SPINK9: variants seen among roughly 807,000 people sequenced by gnomAD.
The protein encoded by SPINK9 is serine peptidase inhibitor Kazal type 9, also known as serine protease inhibitor Kazal-type 9.
In SPINK9, 3 loss-of-function variants were observed where a neutral mutation model predicts 10.8. That is an observed-to-expected ratio of 0.28 (90% confidence interval 0.13 to 0.72). SPINK9 has a LOEUF of 0.72. Ranked by LOEUF, SPINK9 falls within the 30% of genes least tolerant of loss-of-function variation. The pLI, the probability that SPINK9 is intolerant of heterozygous loss-of-function variation, is 0.74. For missense variants in SPINK9, 101 were observed against 103.2 expected (o/e 0.98, Z 0.09); for synonymous variants, 30 against 31.2 (o/e 0.96, Z 0.12).
chr5:148,336,614 GGA>G (rs1351872793), intron 2 of SPINK9, among the ~76,000 whole-genome samples, 161 bp downstream of exon 2: 1 of 152,198 alleles, frequency 6.6e-6, no homozygotes, highest in Non-Finnish European at 1.5e-5. Flanking sequence ...TTTCTAAAAT[GGA>G]GAGAGTAGAA....
chr5:148,331,911 C>G (rs987823994), upstream of SPINK9, among the ~76,000 whole-genome samples: 1 of 152,046 alleles, frequency 6.6e-6, no homozygotes, highest in Non-Finnish European at 1.5e-5. Flanking sequence ...TCTCAGATAG[C>G]CAACTGAGAC....
At chr5:148,328,326 T>C (rs1323568715) in intron 2 of SPINK9, among the ~76,000 whole-genome samples, 1 of 152,186 alleles carries the variant, frequency 6.6e-6, no homozygotes, top group Non-Finnish European at 1.5e-5. Flanking sequence ...TGTATAAGAA[T>C]GCTTGTGATT....
In SPINK9 at chr5:148,329,763, C is replaced by G. The variant is rs1481496528; in HGVS notation, c.118+5895C>G. Among the ~76,000 whole-genome samples the G allele has an allele frequency of 5.3e-5, 8 of 152,192 alleles. No homozygotes were observed. The East Asian group carries it at 5.8e-4, about 11-fold the overall frequency. Reference sequence around the variant, plus strand: ...ATTTCTGCCTTCATTTTGTTATGTACCCAGTAGTCATTCAGGAGCAGGTTG... The same window carrying G: ...ATTTCTGCCTTCATTTTGTTATGTAGCCAGTAGTCATTCAGGAGCAGGTTG... On this transcript the variant is annotated intron_variant, in intron 2 of 4. Coordinates refer to the SPINK9 transcript ENST00000511717.
intron 3 of SPINK9, 45 bp from the exon 4 acceptor site, chr5:148,339,622 C>T: frequency 6.4e-7 from 1 of 1,555,964 alleles, no homozygotes; most frequent in South Asian, 1.1e-5. Context: ...AATGAAATGC[C>T]TATGGGCTCA....
upstream of SPINK9, among the ~76,000 whole-genome samples, chr5:148,330,938 A>G (rs1757140374): frequency 6.6e-6 from 1 of 152,214 alleles, no homozygotes; most frequent in African/African-American, 2.4e-5. Flanking sequence ...CCGATGGAAA[A>G]GCGTAGTATT....
chr5:148,323,877 C>T, intron 2 of SPINK9: 1 of 690,168 alleles, frequency 1.4e-6, no homozygotes, highest in Non-Finnish European at 2.6e-6. Flanking sequence ...AGGTATGTAG[C>T]CCGCGAAAGT....
At chr5:148,333,047 ACAGTC>A (rs757479991), upstream of SPINK9, among the ~76,000 whole-genome samples, 9 of 152,158 alleles carry the variant, frequency 5.9e-5, no homozygotes, top group Non-Finnish European at 1.3e-4. Context: ...AAACTTTATC[ACAGTC>A]CGGATTTTGA....
upstream of SPINK9, among the ~76,000 whole-genome samples, chr5:148,335,064 A>G (rs1292947880): frequency 6.6e-6 from 1 of 152,172 alleles, no homozygotes; most frequent in Non-Finnish European, 1.5e-5. Flanking sequence ...CTTAGATACT[A>G]ATACTTCCAT....
chr5:148,331,587 C>A (rs867063942), upstream of SPINK9, among the ~76,000 whole-genome samples: 1 of 152,050 alleles, frequency 6.6e-6, no homozygotes, highest in African/African-American at 2.4e-5. Flanking sequence ...TTAATAATAA[C>A]GTATTCTATA....
At chr5:148,324,710 CTTA>C (rs3036873) in intron 2 of SPINK9, among the ~76,000 whole-genome samples, 6 of 150,984 alleles carry the variant, frequency 4.0e-5, no homozygotes, top group African/African-American at 9.7e-5. Context: ...CTGAATGGGT[CTTA>C]TTATTATTAT....
intron 3 of SPINK9, 68 bp downstream of exon 3, chr5:148,338,673 G>A: frequency 8.4e-7 from 1 of 1,185,408 alleles, no homozygotes; most frequent in Admixed American, 2.2e-5. Flanking sequence ...ATTAGAAGGT[G>A]TGATGTAGGG....
At position 148,338,593 on chromosome 5, in the gene SPINK9, G is replaced by A; in HGVS notation, c.203G>A (p.Cys68Tyr). 6.3e-7 allele frequency: 1 copy of A among 1,585,536 alleles called. No individual in the cohort carries two copies. The highest frequency in any genetic ancestry group is 8.6e-7 in the Non-Finnish European group (1 of 1,158,120). ...ACTTATAAAAATGATTGCTTCTTCT[G>A]TTCTAAAGTTAAGTAAGTATTAAAA... ...GKTYKNDCFF[C>Y]SKVKKTDGTL... Residue 68 changes from cysteine (C) to tyrosine (Y), a missense_variant, in exon 3 of 4, where the codon TGT (cysteine) becomes TAT (tyrosine). Physicochemically the swap from Cys to Tyr is radical, Grantham distance 194 (BLOSUM62 -2). Coordinates refer to ENST00000377906, the MANE Select transcript of SPINK9 (RefSeq NM_001040433.2).
intron 1 of SPINK9, among the ~76,000 whole-genome samples, chr5:148,321,711 T>C (rs896490504): frequency 2.6e-5 from 4 of 152,310 alleles, no homozygotes; most frequent in Middle Eastern, 6.8e-3. Flanking sequence ...ATGACCTGTA[T>C]GAGCAAAAAT....
At chr5:148,336,275 T>C (rs968061126) in intron 1 of SPINK9, 147 bp from the exon 2 acceptor site, 8 of 811,076 alleles carry the variant, frequency 9.9e-6, no homozygotes, top group African/African-American at 1.7e-5. Context: ...AGCTTCAACC[T>C]TTGATACAAT....
chr5:148,338,474 T>G lies in SPINK9; in HGVS notation c.88-4T>G. 6.3e-7 allele frequency: 1 copy of G among 1,588,696 alleles called. No individual in the cohort carries two copies. Among genetic ancestry groups the G allele is most frequent in the South Asian group, 1.2e-5 (1 of 85,682 alleles). ...AGTTGAAGGTTTTTAATATGTTTTTTCAGGTTGACTGCAGTCATTATAAAA... is the reference window on the plus strand; with the variant it reads ...AGTTGAAGGTTTTTAATATGTTTTTGCAGGTTGACTGCAGTCATTATAAAA... On this transcript the variant is annotated splice_polypyrimidine_tract_variant and splice_region_variant and intron_variant, in intron 2 of 3. Transcript: ENST00000377906.
At chr5:148,326,925 T>C (rs1380322455) in intron 2 of SPINK9, among the ~76,000 whole-genome samples, 1 of 152,056 alleles carries the variant, frequency 6.6e-6, no homozygotes, top group African/African-American at 2.4e-5. Context: ...GTTGGACATT[T>C]GGGTTGGTTC....
At chr5:148,324,779 C>CAG (rs145833356) in intron 2 of SPINK9, among the ~76,000 whole-genome samples, 60 of 150,318 alleles carry the variant, frequency 4.0e-4, no homozygotes, top group African/African-American at 1.3e-3. Flanking sequence ...TTTGTACCCT[C>CAG]AGAGAGAGAG....
chr5:148,324,817 T>C (rs1456057120), intron 2 of SPINK9, among the ~76,000 whole-genome samples: 1 of 151,976 alleles, frequency 6.6e-6, no homozygotes, highest in Non-Finnish European at 1.5e-5. Context: ...GTTTTTAAAA[T>C]ATAAATTTCA....
At chr5:148,329,095 G>T (rs1000019494) in intron 2 of SPINK9, among the ~76,000 whole-genome samples, 1 of 152,140 alleles carries the variant, frequency 6.6e-6, no homozygotes, top group Admixed American at 6.5e-5. Context: ...GCTCCTCCTT[G>T]TACCTCTGGT....
Sources: gnomAD v4.1 joint callset for allele counts (sites outside exome capture counted in the v4.1 genomes callset) on GRCh38, gnomAD v4.1.1 for gene constraint, MANE v1.5 for transcripts, NCBI Gene and HGNC (gene_info 2026-07-23, HGNC 2026-07-21) for gene names.